Variants in LRRTM4 observed in about 807,000 individuals in gnomAD.
LRRTM4 encodes the protein leucine-rich repeat transmembrane neuronal protein 4.
In LRRTM4, 25 loss-of-function variants were observed where a neutral mutation model predicts 47.6. The ratio of observed to expected loss-of-function variants is 0.53; its 90% CI spans 0.38 to 0.73. The LOEUF (loss-of-function observed/expected upper bound fraction) is 0.73. LRRTM4 is among the 30% of genes least tolerant of loss of function. The pLI, the probability that LRRTM4 is intolerant of heterozygous loss-of-function variation, is 0.00. For missense variants in LRRTM4, 638 were observed against 713.4 expected, an observed-to-expected ratio of 0.89 and a Z score of 1.20; for synonymous variants, 311 against 269.5, an observed-to-expected ratio of 1.15 and a Z score of -1.51.
intron 3 of LRRTM4, among the ~76,000 whole-genome samples, chr2:76,805,178 A>G (rs1467187956): frequency 6.6e-6 from 1 of 152,130 alleles, no homozygotes; most frequent in Non-Finnish European, 1.5e-5. Flanking sequence ...TATAATTTTA[A>G]TGAGTGGAGA....
chr2:76,908,415 C>T (rs560731338), intron 3 of LRRTM4, among the ~76,000 whole-genome samples: 2 of 151,592 alleles, frequency 1.3e-5, no homozygotes, highest in South Asian at 2.1e-4. Context: ...TGGAAGCATT[C>T]CCTTTGAAAA....
intron 3 of LRRTM4, among the ~76,000 whole-genome samples, chr2:76,885,061 C>A (rs993246882): frequency 1.3e-5 from 2 of 151,482 alleles, no homozygotes; most frequent in African/African-American, 4.9e-5. Context: ...ATAAATATTC[C>A]AAAATGTTAG....
chr2:76,931,526 T>C (rs1161686852), intron 3 of LRRTM4, among the ~76,000 whole-genome samples: 5 of 152,040 alleles, frequency 3.3e-5, no homozygotes, highest in African/African-American at 4.8e-5. Context: ...CTGGATACAC[T>C]CTCTCTCTCC....
At chr2:77,169,130 G>T (rs1573032837) in intron 3 of LRRTM4, among the ~76,000 whole-genome samples, 1 of 152,174 alleles carries the variant, frequency 6.6e-6, no homozygotes, top group Admixed American at 6.6e-5. Flanking sequence ...ATTAAATGGG[G>T]AAAAGCTGAA....
intron 3 of LRRTM4, among the ~76,000 whole-genome samples, chr2:76,816,057 G>T (rs1039174624): frequency 6.6e-6 from 1 of 151,962 alleles, no homozygotes; most frequent in African/African-American, 2.4e-5. Flanking sequence ...CAGATTAGCA[G>T]ATACAACCTG....
intron 3 of LRRTM4, among the ~76,000 whole-genome samples, chr2:77,414,921 T>C (rs988631697): frequency 6.6e-6 from 1 of 152,214 alleles, no homozygotes; most frequent in African/African-American, 2.4e-5. Flanking sequence ...AATGCCTTTT[T>C]TTTCATTGCT....
intron 3 of LRRTM4, among the ~76,000 whole-genome samples, chr2:77,416,914 G>A (rs1243414180): frequency 6.6e-6 from 1 of 151,992 alleles, no homozygotes. Context: ...AAACTAAAGA[G>A]CTTCTGCAAA....
chr2:77,451,365 T>A (rs528450975), intron 3 of LRRTM4, among the ~76,000 whole-genome samples: 2 of 152,310 alleles, frequency 1.3e-5, no homozygotes, highest in South Asian at 4.1e-4. Context: ...GTTGATTGAT[T>A]TTTAGATGCA....
At chr2:77,409,540 A>G (rs1219384875) in intron 3 of LRRTM4, among the ~76,000 whole-genome samples, 1 of 152,164 alleles carries the variant, frequency 6.6e-6, no homozygotes, top group African/African-American at 2.4e-5. Context: ...TTCAAACTAT[A>G]GCAGCCTTTT....
At chr2:77,016,337 G>C (rs937754677) in intron 3 of LRRTM4, among the ~76,000 whole-genome samples, 1 of 148,908 alleles carries the variant, frequency 6.7e-6, no homozygotes, top group Non-Finnish European at 1.5e-5. Context: ...AGTGAGCCCA[G>C]ATCGCGCCAC....
intron 3 of LRRTM4, among the ~76,000 whole-genome samples, chr2:77,171,200 G>A (rs1221222272): frequency 1.3e-5 from 2 of 152,046 alleles, no homozygotes; most frequent in African/African-American, 4.8e-5. Context: ...GATTTAGCAT[G>A]CTAGTTTACT....
intron 3 of LRRTM4, among the ~76,000 whole-genome samples, chr2:77,396,271 C>T (rs1673698531): frequency 6.6e-6 from 1 of 151,720 alleles, no homozygotes; most frequent in South Asian, 2.1e-4. Context: ...CTATATTTAC[C>T]TTCAGCAAGA....
chr2:77,214,327 C>G (rs1674378065), intron 3 of LRRTM4, among the ~76,000 whole-genome samples: 1 of 152,130 alleles, frequency 6.6e-6, no homozygotes, highest in Non-Finnish European at 1.5e-5. Context: ...TCTGGATTCT[C>G]TACTTTTACA....
At chr2:77,454,809 C>A (rs951503068) in intron 3 of LRRTM4, among the ~76,000 whole-genome samples, 13 of 152,110 alleles carry the variant, frequency 8.5e-5, no homozygotes, top group African/African-American at 3.1e-4. Context: ...TAAATGATGC[C>A]CAATCAATAT....
intron 3 of LRRTM4, among the ~76,000 whole-genome samples, chr2:77,339,255 A>G (rs182905479): frequency 1.6e-4 from 24 of 152,158 alleles, no homozygotes; most frequent in African/African-American, 5.5e-4. Flanking sequence ...TAAAAATTTT[A>G]AAAAACTGTA....
chr2:76,893,663 C>G (rs994662903), intron 3 of LRRTM4, among the ~76,000 whole-genome samples: 16 of 151,722 alleles, frequency 1.1e-4, no homozygotes, highest in African/African-American at 3.9e-4. Flanking sequence ...AAAGAGAACT[C>G]ATCCTAAGAA....
At chr2:77,447,832 T>C (rs1167901606) in intron 3 of LRRTM4, among the ~76,000 whole-genome samples, 1 of 152,194 alleles carries the variant, frequency 6.6e-6, no homozygotes, top group Non-Finnish European at 1.5e-5. Context: ...GACTGTAGTT[T>C]AATGATGTTG....
At chr2:76,793,344 G>C (rs549914033) in intron 3 of LRRTM4, among the ~76,000 whole-genome samples, 3 of 152,148 alleles carry the variant, frequency 2.0e-5, no homozygotes, top group African/African-American at 7.2e-5. Flanking sequence ...GAGTTGAGTA[G>C]ATGGGACATA....
chr2:76,756,806 C>T (rs1017264295), intron 3 of LRRTM4, among the ~76,000 whole-genome samples: 8 of 151,664 alleles, frequency 5.3e-5, no homozygotes, highest in Non-Finnish European at 1.0e-4. Flanking sequence ...TTCCAGAATT[C>T]GAAAGAAGAC....
Sources: gnomAD v4.1 joint callset for allele counts (sites outside exome capture counted in the v4.1 genomes callset) on GRCh38, gnomAD v4.1.1 for gene constraint, MANE v1.5 for transcripts, NCBI Gene and HGNC (gene_info 2026-07-23, HGNC 2026-07-21) for gene names.